TENM2: variants seen among roughly 807,000 people sequenced by gnomAD.
The protein encoded by TENM2 is teneurin transmembrane protein 2, also known as teneurin-2.
A neutral mutation model predicts 245.2 loss-of-function variants in TENM2; 52 were observed. The observed-to-expected ratio is 0.21, with a 90% CI of 0.17 to 0.27. The LOEUF is 0.27. Ranked by LOEUF, TENM2 falls within the 10% of genes least tolerant of loss-of-function variation. The probability of loss-of-function intolerance (pLI) is 1.00; values close to 1 mark genes in which losing one functional copy is unlikely to be tolerated. For missense variants in TENM2, 3,046 were observed against 3,666.8 expected, an observed-to-expected ratio of 0.83 and a Z score of 4.37; for synonymous variants, 1,363 against 1,438.9, an observed-to-expected ratio of 0.95 and a Z score of 1.19.
intron 12 of TENM2, among the ~76,000 whole-genome samples, chr5:168,142,013 A>T (rs906747536): frequency 1.5e-4 from 23 of 152,256 alleles, no homozygotes; most frequent in African/African-American, 4.8e-4. Context: ...GAGAAGACAC[A>T]TATCCCCAGT....
At chr5:167,420,753 T>C (rs867653604) in intron 2 of TENM2, among the ~76,000 whole-genome samples, 2 of 152,276 alleles carry the variant, frequency 1.3e-5, no homozygotes, top group Middle Eastern at 3.4e-3. Context: ...TTCTCTACTA[T>C]AGAATTTACT....
chr5:167,792,381 C>A (rs1431368768), intron 2 of TENM2, among the ~76,000 whole-genome samples: 1 of 152,020 alleles, frequency 6.6e-6, no homozygotes, highest in Non-Finnish European at 1.5e-5. Context: ...ACTGGTGGCA[C>A]ATTTTGGGAG....
chr5:167,177,142 C>A, the TENM2 span, among the ~76,000 whole-genome samples: 4 of 152,144 alleles, frequency 2.6e-5, no homozygotes, highest in African/African-American at 4.8e-5. Context: ...TGAATTTGTT[C>A]TATGAGTTAA....
chr5:167,032,924 C>T, the TENM2 span, among the ~76,000 whole-genome samples: 1 of 152,062 alleles, frequency 6.6e-6, no homozygotes, highest in Admixed American at 6.6e-5. Context: ...CTGTGGTAAA[C>T]ACAAGGTTCC....
intron 2 of TENM2, among the ~76,000 whole-genome samples, chr5:167,648,931 G>T (rs1344739350): frequency 6.6e-6 from 1 of 152,172 alleles, no homozygotes; most frequent in African/African-American, 2.4e-5. Context: ...CTCCCTAGTA[G>T]CGGCCCAGAT....
the TENM2 span, among the ~76,000 whole-genome samples, chr5:167,106,015 A>G: frequency 6.7e-6 from 1 of 149,848 alleles, no homozygotes; most frequent in Non-Finnish European, 1.5e-5. Context: ...GTGAATCGAC[A>G]GAGTTTTTTT....
chr5:167,821,458 T>A (rs1240182201), intron 2 of TENM2, among the ~76,000 whole-genome samples: 1 of 152,162 alleles, frequency 6.6e-6, no homozygotes, highest in Non-Finnish European at 1.5e-5. Context: ...AAGGAAGGCT[T>A]TGTGTGACTT....
At chr5:168,230,109 G>GTAAT (rs147515540) in intron 25 of TENM2, among the ~76,000 whole-genome samples, 2,049 of 152,264 alleles carry the variant, frequency 0.013, 29 homozygotes, top group East Asian at 0.06. Flanking sequence ...GGTACTTGTG[G>GTAAT]TAATTAGCCC....
At chr5:168,061,215 T>C (rs775008440) in intron 6 of TENM2, among the ~76,000 whole-genome samples, 3 of 152,120 alleles carry the variant, frequency 2.0e-5, no homozygotes, top group Non-Finnish European at 4.4e-5. Flanking sequence ...ATACTGAGAC[T>C]TTTTTTCCCC....
At chr5:168,020,031 C>G (rs1201258167) in intron 5 of TENM2, among the ~76,000 whole-genome samples, 3 of 152,182 alleles carry the variant, frequency 2.0e-5, no homozygotes, top group Non-Finnish European at 4.4e-5. Context: ...ATACCATGTT[C>G]TCTGAGGGTT....
At chr5:167,623,483 C>T (rs1176315780) in intron 2 of TENM2, among the ~76,000 whole-genome samples, 2 of 152,136 alleles carry the variant, frequency 1.3e-5, no homozygotes, top group South Asian at 4.1e-4. Context: ...GTCATTCTTA[C>T]AATCTTGCTG....
chr5:168,160,320 G>A (rs1207798829), intron 12 of TENM2, among the ~76,000 whole-genome samples: 1 of 152,226 alleles, frequency 6.6e-6, no homozygotes, highest in African/African-American at 2.4e-5. Flanking sequence ...CTCACGGTAT[G>A]AAGTGAACAG....
chr5:167,082,673 A>C, the TENM2 span, among the ~76,000 whole-genome samples: 1 of 152,292 alleles, frequency 6.6e-6, no homozygotes, highest in South Asian at 2.1e-4. Flanking sequence ...TGACTCTAAT[A>C]ACTCTCTTAA....
chr5:167,524,721 C>G (rs1770989932), intron 2 of TENM2, among the ~76,000 whole-genome samples: 1 of 151,780 alleles, frequency 6.6e-6, no homozygotes, highest in Admixed American at 6.6e-5. Context: ...TCCTCCAGAC[C>G]AATTAAATCA....
the TENM2 span, among the ~76,000 whole-genome samples, chr5:167,137,371 T>G: frequency 1.3e-5 from 2 of 152,198 alleles, no homozygotes; most frequent in Non-Finnish European, 2.9e-5. Context: ...CATAAGAAAT[T>G]TTATATCAGC....
intron 2 of TENM2, among the ~76,000 whole-genome samples, chr5:167,757,238 C>A (rs1229318202): frequency 6.6e-6 from 1 of 151,882 alleles, no homozygotes; most frequent in Admixed American, 6.6e-5. Flanking sequence ...CTATCCCTCC[C>A]CTTGCCTCCC....
At position 168,218,998 on chromosome 5, in the gene TENM2, G is replaced by A; in HGVS notation, c.5107G>A (p.Asp1703Asn). The A allele has an allele frequency of 1.2e-6, 2 of 1,610,840 alleles. No homozygotes were observed. The highest frequency in any genetic ancestry group is 1.7e-6 in the Non-Finnish European group (2 of 1,177,826). ...TGAAACAGGATGGACGACTTTCTAT[G>A]AGTAAGTGGGTTTGTAAAGCATCTC... Residue 1703 changes from aspartate to asparagine, a missense_variant and splice_region_variant, in exon 23 of 29, where the codon GAC becomes AAC. Physicochemically the swap from Asp to Asn is conservative, Grantham distance 23. This residue lies in a region of TENM2 where 2,704 missense variants were observed against 3,331.9 expected (regional missense o/e 0.81). Transcript: ENST00000518659. The surrounding 1 kb of genome is among the most constrained non-coding windows in gnomAD (Gnocchi z 5.2).
chr5:167,044,457 T>C, the TENM2 span, among the ~76,000 whole-genome samples: 6 of 152,310 alleles, frequency 3.9e-5, no homozygotes, highest in Middle Eastern at 6.8e-3. Context: ...CAAAACTCAA[T>C]GAAATATGCA....
Position 167,474,324 on chromosome 5 carries a change from T to C in TENM2, c.502+98851T>C, listed in dbSNP as rs559304974. Among the ~76,000 whole-genome samples, 8 of 152,296 alleles carry C rather than the reference T, an allele frequency of 5.3e-5. No homozygotes were observed. In the South Asian group the frequency reaches 1.7e-3, roughly 32 times the overall value. Reference sequence around the variant, plus strand: ...TCAATATCAACGTTTTTACCTAATATAGGTGTTCAGAGCTTTCATCTTCAC... The same window carrying C: ...TCAATATCAACGTTTTTACCTAATACAGGTGTTCAGAGCTTTCATCTTCAC... On this transcript the variant is annotated intron_variant, in intron 2 of 28. Coordinates refer to ENST00000518659, the Ensembl canonical transcript of TENM2.
Sources: gnomAD v4.1 joint callset for allele counts (sites outside exome capture counted in the v4.1 genomes callset) on GRCh38, gnomAD v4.1.1 for gene constraint, gnomAD v4.1.1 regional missense constraint, Gnocchi (gnomAD v3.1) non-coding constraint, MANE v1.5 for transcripts, NCBI Gene and HGNC (gene_info 2026-07-23, HGNC 2026-07-21) for gene names.